The following MMP20 variants were observed in gnomAD, a reference collection of about 807,000 sequenced individuals.
MMP20 encodes matrix metalloproteinase-20.
A neutral mutation model predicts 51.8 loss-of-function variants in MMP20; 50 were observed. The observed-to-expected ratio is 0.97, with a 90% CI of 0.77 to 1.22. The LOEUF (loss-of-function observed/expected upper bound fraction) is 1.22, where lower values mean the gene tolerates loss of function less well. MMP20 is among the 50% of genes most tolerant of loss of function. The pLI is 0.00. For synonymous variants in MMP20, 244 were observed against 216.2 expected (o/e 1.13, Z -1.13); for missense variants, 663 against 601.4 (o/e 1.10, Z -1.07).
chr11:102,595,884 A>C (rs967494802), intron 6 of MMP20, among the ~76,000 whole-genome samples: 2 of 152,252 alleles, frequency 1.3e-5, no homozygotes. Flanking sequence ...GAATTACTTC[A>C]CAGGATTATT....
At position 102,593,572 on chromosome 11, in the gene MMP20, C is replaced by G; in HGVS notation, c.1114G>C (p.Gly372Arg). 1 of 1,614,130 alleles carries G rather than the reference C, an allele frequency of 6.2e-7. No individual in the cohort carries two copies. Among genetic ancestry groups the G allele is most frequent in the South Asian group, 1.1e-5 (1 of 91,074 alleles). ...FKGPHYWITR[G>R]FQMQGPPRTI... ...CGAGGAGGACCTTGCATTTGGAATC[C>G]TCTTGTTATCCAGTAGTGGGGACCT... The change falls in exon 8 of 10, where the codon GGA becomes CGA. Residue 372 changes from glycine to arginine, a missense_variant. Gly to Arg is a moderately radical substitution (Grantham distance 125, BLOSUM62 -2). Transcript: ENST00000260228.
chr11:102,615,843 A>T (rs1438575319), intron 2 of MMP20, among the ~76,000 whole-genome samples: 2 of 151,222 alleles, frequency 1.3e-5, no homozygotes, highest in Admixed American at 6.6e-5. Context: ...AGTGGAGTCC[A>T]CTCTTCTTTT....
At chr11:102,609,879 G>C in intron 4 of MMP20, 26 bp downstream of exon 4, 1 of 1,613,976 alleles carries the variant, frequency 6.2e-7, no homozygotes. Context: ...ATATTTTCCA[G>C]GTTATGGTGA....
intron 6 of MMP20, among the ~76,000 whole-genome samples, chr11:102,603,166 C>T (rs2135938451): frequency 6.6e-6 from 1 of 152,336 alleles, no homozygotes; most frequent in East Asian, 1.9e-4. Context: ...ATGCCCACAG[C>T]TTGAAATGTC....
rs1470672667 is a variant in MMP20 at position 102,593,506 on chromosome 11, T to C, written c.1180A>G (p.Ile394Val). 3 of 1,613,858 alleles carry C rather than the reference T, an allele frequency of 1.9e-6. No individual in the cohort carries two copies. Among genetic ancestry groups the C allele is most frequent in the African/African-American group, 2.7e-5 (2 of 74,914 alleles). ...DFGFPRHVQQIDAAVYLREPQ... is the reference protein window; with the variant it reads ...DFGFPRHVQQVDAAVYLREPQ... ...TCCCTGAGGTAGACAGCAGCATCTA[T>C]TTGCTGCACGTGCCTTGGAAATCCA... is the stretch of plus-strand genomic sequence containing the variant. The change falls in exon 8 of 10, where the codon ATA becomes GTA. Residue 394 changes from isoleucine to valine, a missense_variant. Transcript: ENST00000260228.
intron 6 of MMP20, among the ~76,000 whole-genome samples, chr11:102,602,273 T>C (rs1479075538): frequency 2.6e-5 from 4 of 151,570 alleles, no homozygotes; most frequent in African/African-American, 9.7e-5. Flanking sequence ...CGGCCAAAAA[T>C]GCTTTTCTTT....
intron 8 of MMP20, among the ~76,000 whole-genome samples, chr11:102,585,121 A>G (rs564425381): frequency 6.6e-6 from 1 of 152,276 alleles, no homozygotes; most frequent in African/African-American, 2.4e-5. Flanking sequence ...TCGAGTTTCA[A>G]GAAAAACTTG....
At chr11:102,582,742 G>C (rs1859211505) in intron 8 of MMP20, among the ~76,000 whole-genome samples, 1 of 151,992 alleles carries the variant, frequency 6.6e-6, no homozygotes. Flanking sequence ...AGAATGTCAG[G>C]ACACAAAATT....
At chr11:102,615,118 C>A (rs1711409) in intron 2 of MMP20, among the ~76,000 whole-genome samples, 61,882 of 144,658 alleles carry the variant, frequency 0.43, 13,438 homozygotes, top group South Asian at 0.59. Flanking sequence ...ATAATTATAC[C>A]TATTAAATAA....
At position 102,599,263 on chromosome 11, in the gene MMP20, G is replaced by A. The variant is rs1859418676; in HGVS notation, c.954-4506C>T. Among the ~76,000 whole-genome samples, 2 of 152,004 alleles carry A rather than the reference G, an allele frequency of 1.3e-5. 1 individual carries two copies. Among genetic ancestry groups the A allele is most frequent in the South Asian group, 4.2e-4 (2 of 4,812 alleles). On this transcript the variant is annotated intron_variant, in intron 6 of 9. Transcript: ENST00000260228. ...TTGAATTCCTGACCTCAAGTGATCT[G>A]CCTGCCTCGGCTTCCCAAAGTGCTG...
At chr11:102,606,135 G>C (rs989545968) in intron 6 of MMP20, among the ~76,000 whole-genome samples, 3 of 152,176 alleles carry the variant, frequency 2.0e-5, no homozygotes, top group Admixed American at 6.5e-5. Flanking sequence ...ACTCACTAGG[G>C]ATAAAGTGGT....
intron 2 of MMP20, among the ~76,000 whole-genome samples, chr11:102,612,578 A>ATCTG (rs1859616202): frequency 6.6e-6 from 1 of 152,098 alleles, no homozygotes; most frequent in Admixed American, 6.5e-5. Flanking sequence ...TTTTCCCCAA[A>ATCTG]GGGACTGGAT....
intron 8 of MMP20, among the ~76,000 whole-genome samples, chr11:102,585,171 T>A (rs1184821998): frequency 6.6e-6 from 1 of 152,142 alleles, no homozygotes; most frequent in East Asian, 1.9e-4. Flanking sequence ...CTGAAAGAGA[T>A]TGTGTTGAAT....
chr11:102,609,491 C>T (rs557754679), intron 4 of MMP20, among the ~76,000 whole-genome samples: 1 of 152,340 alleles, frequency 6.6e-6, no homozygotes, highest in Admixed American at 6.5e-5. Context: ...ACGTTTCACA[C>T]TGAAGATTTC....
In MMP20 at chr11:102,611,919, G is replaced by A. The variant is rs1468707618; in HGVS notation, c.375-16C>T. ...TTTAGATATTCTGTGAAAACGGAAG[G>A]AACATGTTTTCTTTTCAGTAACTGC... is the stretch of plus-strand genomic sequence containing the variant. On this transcript the variant is annotated splice_polypyrimidine_tract_variant and intron_variant, in intron 2 of 9. Transcript: ENST00000260228. 2.5e-6 allele frequency: 4 copies of A among 1,613,680 alleles called. No individual in the cohort carries two copies. The highest frequency in any genetic ancestry group is 2.2e-5 in the East Asian group (1 of 44,882).
rs148721639 is a variant in MMP20, at chr11:102,594,717, G to A, written c.994C>T (p.Arg332Trp). Residue 332 changes from arginine to tryptophan, a missense_variant, in exon 7 of 10, where the codon CGG becomes TGG. Physicochemically the swap from Arg to Trp is moderately radical, Grantham distance 101 (BLOSUM62 -3). Coordinates refer to ENST00000260228, the MANE Select transcript of MMP20 (RefSeq NM_004771.4). Reference sequence around the variant, plus strand: ...AAGGAGCTGGTAATAGTGCTGGGCCGAATTCCTGTCCGCAAGTGAACCTGC... The same window carrying A: ...AAGGAGCTGGTAATAGTGCTGGGCCAAATTCCTGTCCGCAAGTGAACCTGC... ...RRQVHLRTGI[R>W]PSTITSSFPQ... 5.5e-5 allele frequency: 88 copies of A among 1,600,372 alleles called. No homozygotes were observed. The highest frequency in any genetic ancestry group is 4.7e-4 in the African/African-American group (33 of 70,914).
At chr11:102,581,255 C>A (rs1389827699) in intron 8 of MMP20, among the ~76,000 whole-genome samples, 1 of 152,142 alleles carries the variant, frequency 6.6e-6, no homozygotes, top group African/African-American at 2.4e-5. Context: ...GTCATTTATT[C>A]TGGCCCCAAG....
At chr11:102,589,099 A>G (rs1001700684) in intron 8 of MMP20, among the ~76,000 whole-genome samples, 2 of 152,180 alleles carry the variant, frequency 1.3e-5, no homozygotes, top group East Asian at 1.9e-4. Context: ...TTGACACTAC[A>G]TGATCTGTAA....
At chr11:102,585,264 T>C (rs1329827967) in intron 8 of MMP20, among the ~76,000 whole-genome samples, 1 of 152,194 alleles carries the variant, frequency 6.6e-6, no homozygotes, top group East Asian at 1.9e-4. Context: ...TAGATCTTGC[T>C]TAATTTCTTT....
Sources: gnomAD v4.1 joint callset for allele counts (sites outside exome capture counted in the v4.1 genomes callset) on GRCh38, gnomAD v4.1.1 for gene constraint, MANE v1.5 for transcripts, NCBI Gene and HGNC (gene_info 2026-07-23, HGNC 2026-07-21) for gene names.